The following FRMD4B variants were observed in gnomAD, a reference collection of about 807,000 sequenced individuals.
The protein encoded by FRMD4B is FERM domain containing 4B.
Under a neutral mutation model 141.5 loss-of-function variants are expected in FRMD4B, and 74 were observed. That is an observed-to-expected ratio of 0.52 (90% CI 0.43 to 0.63). FRMD4B has a LOEUF of 0.63. FRMD4B is among the 30% of genes least tolerant of loss of function. FRMD4B has a pLI of 0.00. For missense variants in FRMD4B, 1,366 were observed against 1,253.4 expected (o/e 1.09, Z -1.36); for synonymous variants, 506 against 467.9 (o/e 1.08, Z -1.05).
At chr3:69,254,859 T>C (rs749668980) in intron 5 of FRMD4B, among the ~76,000 whole-genome samples, 2 of 152,092 alleles carry the variant, frequency 1.3e-5, no homozygotes, top group Non-Finnish European at 2.9e-5. Context: ...GGTGTGGCAT[T>C]CCTGTCAAAA....
intron 1 of FRMD4B, chr3:69,333,815 A>C (rs1702455989): frequency 6.6e-6 from 1 of 152,142 alleles, no homozygotes; most frequent in Non-Finnish European, 1.5e-5. Context: ...CAGGCTCTTG[A>C]GGATAAAGTA....
rs545425878 is a variant in FRMD4B, at chr3:69,412,058, C to A, written c.-1+20576G>T. 1.1e-4 allele frequency among the ~76,000 whole-genome samples: 17 copies of A among 152,300 alleles called. No individual in the cohort carries two copies. In the South Asian group the frequency reaches 3.5e-3, roughly 32 times the overall value. On this transcript the variant is annotated intron_variant, in intron 2 of 5. Coordinates refer to the FRMD4B transcript ENST00000459638. ...ACTATGTGCCAAGCACTACTTTCAG[C>A]ACTTTTCATCTATAAATTTATTAAT... is the stretch of plus-strand genomic sequence containing the variant.
At chr3:69,429,317 T>G (rs1705138209) in intron 2 of FRMD4B, among the ~76,000 whole-genome samples, 1 of 152,240 alleles carries the variant, frequency 6.6e-6, no homozygotes, top group African/African-American at 2.4e-5. Flanking sequence ...ATTTAGAATT[T>G]TGATAAGTAT....
chr3:69,185,792 A>G (rs976134169), intron 19 of FRMD4B, among the ~76,000 whole-genome samples: 1 of 152,170 alleles, frequency 6.6e-6, no homozygotes, highest in Non-Finnish European at 1.5e-5. Context: ...CTGTAATCCT[A>G]GCACTTTGGG....
At chr3:69,378,793 T>C (rs1704039781) in intron 1 of FRMD4B, among the ~76,000 whole-genome samples, 1 of 151,818 alleles carries the variant, frequency 6.6e-6, no homozygotes, top group African/African-American at 2.4e-5. Flanking sequence ...TTTGTCTCTC[T>C]ACTCATCAAG....
chr3:69,276,382 C>T (rs2093617960), intron 5 of FRMD4B, among the ~76,000 whole-genome samples: 1 of 152,070 alleles, frequency 6.6e-6, no homozygotes, highest in Non-Finnish European at 1.5e-5. Context: ...AAGTGATCCG[C>T]CCACCTCAGC....
chr3:69,299,433 G>A (rs1480881582), intron 4 of FRMD4B, among the ~76,000 whole-genome samples: 1 of 152,134 alleles, frequency 6.6e-6, no homozygotes, highest in East Asian at 1.9e-4. Flanking sequence ...ACTTATTAAA[G>A]TAATGATTTA....
intron 17 of FRMD4B, among the ~76,000 whole-genome samples, chr3:69,193,064 G>A (rs969347404): frequency 2.0e-5 from 3 of 151,724 alleles, no homozygotes; most frequent in Non-Finnish European, 4.4e-5. Flanking sequence ...CAAGTGATCC[G>A]CTCACCTCAG....
At chr3:69,213,996 A>G (rs1015897181) in intron 11 of FRMD4B, among the ~76,000 whole-genome samples, 16 of 152,024 alleles carry the variant, frequency 1.1e-4, no homozygotes, top group African/African-American at 3.4e-4. Flanking sequence ...AATTTCTAGT[A>G]AGAAGCCTCA....
At chr3:69,407,966 G>A (rs1004831043) in intron 2 of FRMD4B, among the ~76,000 whole-genome samples, 3 of 152,124 alleles carry the variant, frequency 2.0e-5, no homozygotes, top group Admixed American at 6.5e-5. Context: ...CGTCTGTGGC[G>A]TTTACTGACC....
intron 1 of FRMD4B, among the ~76,000 whole-genome samples, chr3:69,472,831 T>C (rs1045731277): frequency 6.6e-6 from 1 of 152,038 alleles, no homozygotes; most frequent in Non-Finnish European, 1.5e-5. Context: ...TATTACCATA[T>C]TGGTCATATT....
At chr3:69,203,694 A>G (rs2092995259) in intron 11 of FRMD4B, among the ~76,000 whole-genome samples, 1 of 152,222 alleles carries the variant, frequency 6.6e-6, no homozygotes, top group South Asian at 2.1e-4. Flanking sequence ...CACCCACCTC[A>G]GAGAGTTGTC....
At chr3:69,314,877 C>T (rs555286844) in intron 1 of FRMD4B, among the ~76,000 whole-genome samples, 3 of 151,992 alleles carry the variant, frequency 2.0e-5, no homozygotes, top group South Asian at 2.1e-4. Context: ...GTGTGTTTAA[C>T]GTCTCTCTGG....
chr3:69,448,000 C>T (rs910099101), intron 1 of FRMD4B, among the ~76,000 whole-genome samples: 1 of 150,764 alleles, frequency 6.6e-6, no homozygotes, highest in Non-Finnish European at 1.5e-5. Context: ...ATAAATGCCA[C>T]TCTCATGGAC....
intron 1 of FRMD4B, among the ~76,000 whole-genome samples, chr3:69,518,693 T>C (rs868340590): frequency 1.7e-4 from 26 of 152,264 alleles, no homozygotes; most frequent in African/African-American, 5.8e-4. Flanking sequence ...CCCAACATGT[T>C]TGGAACAAGG....
chr3:69,381,597 C>A (rs1006397181), intron 1 of FRMD4B, among the ~76,000 whole-genome samples: 1 of 152,116 alleles, frequency 6.6e-6, no homozygotes, highest in Non-Finnish European at 1.5e-5. Flanking sequence ...AGTCCATATG[C>A]CTGAAAGCTG....
intron 2 of FRMD4B, among the ~76,000 whole-genome samples, chr3:69,395,015 G>A (rs1163190715): frequency 1.3e-5 from 2 of 152,076 alleles, no homozygotes; most frequent in African/African-American, 2.4e-5. Context: ...GGGGCTTGTC[G>A]GGGGTGGAGG....
chr3:69,419,399 T>C (rs948221843), intron 2 of FRMD4B, among the ~76,000 whole-genome samples: 3 of 151,896 alleles, frequency 2.0e-5, no homozygotes, highest in African/African-American at 7.3e-5. Flanking sequence ...CCTCTTCCAG[T>C]GGAGCCAGAG....
At chr3:69,225,601 T>A (rs1245738265) in intron 7 of FRMD4B, among the ~76,000 whole-genome samples, 5 of 131,072 alleles carry the variant, frequency 3.8e-5, no homozygotes, top group Non-Finnish European at 6.2e-5. Context: ...AGGCTGAGGC[T>A]GGAGAATGGC....
Sources: allele counts gnomAD v4.1 joint callset (sites outside exome capture counted in the v4.1 genomes callset), GRCh38; gene constraint gnomAD v4.1.1; transcripts MANE v1.5; gene names NCBI Gene and HGNC (gene_info 2026-07-23, HGNC 2026-07-21).